Variants in PFKP observed in about 807,000 individuals in gnomAD.
PFKP encodes phosphofructokinase, platelet, also known as ATP-dependent 6-phosphofructokinase, platelet type.
In PFKP, 101 loss-of-function variants were observed where a neutral mutation model predicts 94.3. That is an observed-to-expected ratio of 1.07 (90% CI 0.91 to 1.26). The LOEUF (loss-of-function observed/expected upper bound fraction) is 1.26. Among genes scored for constraint, PFKP ranks in the 50% most tolerant of loss-of-function variants. The pLI, the probability that PFKP is intolerant of heterozygous loss-of-function variation, is 0.00. For missense variants in PFKP, 1,145 were observed against 1,103.3 expected, an observed-to-expected ratio of 1.04 and a Z score of -0.53; for synonymous variants, 573 against 432.6, an observed-to-expected ratio of 1.32 and a Z score of -4.03.
chr10:3,089,219 C>T (rs1833859981), intron 2 of PFKP, among the ~76,000 whole-genome samples: 1 of 152,202 alleles, frequency 6.6e-6, no homozygotes, highest in Non-Finnish European at 1.5e-5. Context: ...CAAGCATGAA[C>T]CACCACGCCC....
rs545742822 is a variant in PFKP at position 3,136,621 on chromosome 10, CTG to C, written c.*44_*45del. On this transcript the variant is annotated 3_prime_UTR_variant, in exon 22 of 22. Transcript: ENST00000381125. ...TGTGCCTGCAGCCACCGTGGACTGT[CTG>C]TTTTTGTAACACTTAAGTTATTTTA... The C allele has an allele frequency of 6.2e-6, 10 of 1,600,910 alleles. No homozygotes were observed. The highest frequency in any genetic ancestry group is 2.2e-5 in the East Asian group (1 of 44,500).
chr10:3,120,918 A>AT (rs898594639), intron 16 of PFKP, among the ~76,000 whole-genome samples: 13 of 151,706 alleles, frequency 8.6e-5, no homozygotes, highest in Non-Finnish European at 1.5e-4. Flanking sequence ...AAAGCATTTC[A>AT]TTTTTTTAAA....
At chr10:3,129,782 C>T (rs1376203609) in intron 16 of PFKP, 37 bp from the exon 17 acceptor site, 1 of 1,608,760 alleles carries the variant, frequency 6.2e-7, no homozygotes, top group African/African-American at 1.3e-5. Context: ...GCGCCCCGGG[C>T]CTGGGCTGGA....
chr10:3,130,127 G>A (rs1325925758), intron 17 of PFKP, 144 bp downstream of exon 17: 20 of 724,310 alleles, frequency 2.8e-5, no homozygotes, highest in East Asian at 6.0e-5. Context: ...GATACACTTC[G>A]CATCGCCCAG....
intron 2 of PFKP, among the ~76,000 whole-genome samples, chr10:3,097,969 A>G (rs1390172287): frequency 6.6e-6 from 1 of 152,172 alleles, no homozygotes; most frequent in Non-Finnish European, 1.5e-5. Flanking sequence ...AGATCGTGCC[A>G]CTGCACTCCA....
chr10:3,094,320 A>G (rs1442489622), intron 2 of PFKP, among the ~76,000 whole-genome samples: 1 of 152,240 alleles, frequency 6.6e-6, no homozygotes, highest in Non-Finnish European at 1.5e-5. Context: ...AGGGCTAAAT[A>G]CATCATGCTG....
At chr10:3,115,375 CAGCTGAGAACA>C (rs1836703208) in intron 13 of PFKP, among the ~76,000 whole-genome samples, 2 of 58,148 alleles carry the variant, frequency 3.4e-5, no homozygotes, top group African/African-American at 7.8e-5. Context: ...GTGTGTCCCG[CAGCTGAGAACA>C]GGACTGGGGA....
chr10:3,100,862 CA>C (rs71294492), intron 3 of PFKP: 20,881 of 644,938 alleles, frequency 0.032, no homozygotes, highest in East Asian at 0.056. Context: ...GTATGTGGTG[CA>C]AAAAAAAAAA....
chr10:3,092,366 C>T (rs1438211694), intron 2 of PFKP, among the ~76,000 whole-genome samples: 3 of 152,186 alleles, frequency 2.0e-5, no homozygotes, highest in African/African-American at 7.2e-5. Flanking sequence ...ATGTAGATAG[C>T]AGAGGCTGGG....
chr10:3,102,701 T>C (rs1835137209), intron 4 of PFKP, among the ~76,000 whole-genome samples: 1 of 152,178 alleles, frequency 6.6e-6, no homozygotes, highest in Admixed American at 6.5e-5. Flanking sequence ...CAAAGTGTAG[T>C]TTTTCTCCCT....
chr10:3,096,951 G>A lies in PFKP; in HGVS notation c.187-2324G>A, dbSNP rs1197249230. Among the ~76,000 whole-genome samples, 2 of 121,926 alleles carry A rather than the reference G, an allele frequency of 1.6e-5. 1 individual carries two copies. Among genetic ancestry groups the A allele is most frequent in the Non-Finnish European group, 3.6e-5 (2 of 56,026 alleles). 80.0% of individuals were successfully genotyped at this position (121,926 alleles called of 152,430 possible). On this transcript the variant is annotated intron_variant, in intron 2 of 21. Transcript: ENST00000381125. ...AAATTAGCCGGGCGTGGTGGCGGGTGCCTGTAGTCCCAGCTACTAAGGAGG... is the reference window on the plus strand; with the variant it reads ...AAATTAGCCGGGCGTGGTGGCGGGTACCTGTAGTCCCAGCTACTAAGGAGG...
intron 1 of PFKP, among the ~76,000 whole-genome samples, chr10:3,068,268 C>T (rs1457052056): frequency 1.3e-5 from 2 of 152,160 alleles, no homozygotes; most frequent in Non-Finnish European, 2.9e-5. Context: ...GTGCCCTGCG[C>T]GGCGTGGGCG....
Position 3,101,475 on chromosome 10 carries a change from C to T in PFKP, c.375C>T (p.Ile125=), listed in dbSNP as rs11542777. Residue 125 remains isoleucine (I), a synonymous_variant, in exon 4 of 22, where the codon ATC becomes ATT. Coordinates refer to ENST00000381125, the MANE Select transcript of PFKP (RefSeq NM_002627.5). The part of the protein sequence containing the change: ...LQRGITNLCV[I]GGDGSLTGAN... ...GCGGCATCACCAACCTGTGTGTGAT[C>T]GGCGGGGACGGGAGCCTCACCGGGG... 0.015 allele frequency: 24,681 copies of T among 1,604,288 alleles called. 221 individuals are homozygous for T. The highest frequency in any genetic ancestry group is 0.028 in the Middle Eastern group (153 of 5,492).
chr10:3,133,370 G>C lies in PFKP; in HGVS notation c.2022+56G>C, dbSNP rs529919714. 2.5e-5 allele frequency: 27 copies of C among 1,092,476 alleles called. No homozygotes were observed. The East Asian group carries it at 5.6e-4, about 23-fold the overall frequency. 67.7% of individuals were successfully genotyped at this position (1,092,476 alleles called of 1,614,324 possible). ...AGCCCCTGTCATGTGACTTTTAAAA[G>C]ATTAGTGTCTTATTTTAGCCATTGT... On this transcript the variant is annotated intron_variant, in intron 19 of 21. Coordinates refer to ENST00000381125, the MANE Select transcript of PFKP (RefSeq NM_002627.5).
At chr10:3,104,892 C>T (rs1835384238) in intron 5 of PFKP, 1 of 617,166 alleles carries the variant, frequency 1.6e-6, no homozygotes, top group African/African-American at 1.9e-5. Context: ...AGAGGTGGCT[C>T]AAGTCCCCTT....
intron 13 of PFKP, among the ~76,000 whole-genome samples, chr10:3,115,841 G>T (rs76790155): frequency 3.2e-4 from 49 of 152,280 alleles, no homozygotes; most frequent in African/African-American, 1.1e-3. Flanking sequence ...AGGAGACTGA[G>T]GAGTGGCAGA....
At chr10:3,133,652 A>C (rs991084252) in intron 19 of PFKP, among the ~76,000 whole-genome samples, 1 of 152,192 alleles carries the variant, frequency 6.6e-6, no homozygotes, top group Non-Finnish European at 1.5e-5. Context: ...GCTGGTCTCA[A>C]ACTCCTGACC....
chr10:3,097,768 G>A (rs1834606370), intron 2 of PFKP, among the ~76,000 whole-genome samples: 1 of 152,200 alleles, frequency 6.6e-6, no homozygotes, highest in African/African-American at 2.4e-5. Flanking sequence ...ACTTTGGGAG[G>A]CCCAGGCAGG....
intron 3 of PFKP, among the ~76,000 whole-genome samples, chr10:3,100,714 A>G (rs756977138): frequency 9.2e-5 from 14 of 152,132 alleles, no homozygotes; most frequent in Non-Finnish European, 1.9e-4. Flanking sequence ...ATTTAAAGAA[A>G]TCTTGCATTT....
Sources: allele counts gnomAD v4.1 joint callset (sites outside exome capture counted in the v4.1 genomes callset), GRCh38; gene constraint gnomAD v4.1.1; transcripts MANE v1.5; gene names NCBI Gene and HGNC (gene_info 2026-07-23, HGNC 2026-07-21).